Variants in CLTC observed in about 807,000 individuals in gnomAD.
CLTC encodes clathrin heavy chain 1.
Under a neutral mutation model 195.8 loss-of-function variants are expected in CLTC, and 16 were observed. That is an observed-to-expected ratio of 0.08 (90% confidence interval 0.06 to 0.12). The LOEUF is 0.12. CLTC is among the 10% of genes least tolerant of loss of function. The pLI is 1.00. For synonymous variants in CLTC, 667 were observed against 689.4 expected (o/e 0.97, Z 0.51); for missense variants, 796 against 2,027.0 (o/e 0.39, Z 11.66).
intron 14 of CLTC, among the ~76,000 whole-genome samples, chr17:59,672,245 T>C (rs2032863620): frequency 1.3e-5 from 2 of 152,110 alleles, no homozygotes; most frequent in Admixed American, 1.3e-4. Context: ...ATCAAGAAAA[T>C]AACCTAGATT....
intron 31 of CLTC, among the ~76,000 whole-genome samples, chr17:59,692,273 C>A (rs2033321759): frequency 6.6e-6 from 1 of 152,176 alleles, no homozygotes; most frequent in African/African-American, 2.4e-5. Flanking sequence ...GCCAAAATTG[C>A]ACCACTGCAT....
rs771933615 is a variant in CLTC at position 59,674,679 on chromosome 17, TTC to T, written c.2419-20_2419-19del. On this transcript the variant is annotated intron_variant, in intron 15 of 31. Transcript: ENST00000269122. ...TGCTTTTAATAACATAATAACATTC[TTC>T]TACTTCTTTTTAACCACAGGTGAAT... 64 of 1,597,052 alleles carry T rather than the reference TTC, an allele frequency of 4.0e-5. No individual in the cohort carries two copies. Among genetic ancestry groups the T allele is most frequent in the Admixed American group, 1.7e-5 (1 of 57,378 alleles).
At chr17:59,670,858 A>G (rs2032834135) in intron 14 of CLTC, 1 of 152,156 alleles carries the variant, frequency 6.6e-6, no homozygotes, top group Non-Finnish European at 1.5e-5. Flanking sequence ...ACTGGGTACA[A>G]GCCTGATATA....
chr17:59,677,002 T>C lies in CLTC; in HGVS notation c.2610T>C (p.Cys870=). ...PWLEARIHEG[C]EEPATHNALA... The stretch of plus-strand genomic sequence containing the variant: ...TAGAGGCCAGAATTCATGAGGGCTG[T>C]GAGGAGCCTGCTACTCACAATGCCT... The change falls in exon 17 of 32, where the codon TGT becomes TGC. Residue 870 remains cysteine (C), a synonymous_variant. Transcript: ENST00000269122. 6.2e-7 allele frequency: 1 copy of C among 1,614,114 alleles called. No individual in the cohort carries two copies.
At chr17:59,646,040 T>C (rs1340984484) in intron 2 of CLTC, 2 of 785,922 alleles carry the variant, frequency 2.5e-6, no homozygotes, top group Middle Eastern at 6.5e-4. Flanking sequence ...TTAAATTAGA[T>C]TGTATTAGTT....
chr17:59,658,723 A>T (rs1023379131), intron 6 of CLTC: 1 of 152,232 alleles, frequency 6.6e-6, no homozygotes, highest in Non-Finnish European at 1.5e-5. Context: ...CTTACTAAGG[A>T]CTGGTTGCTA....
At chr17:59,656,666 A>ATTTTTTTTTTTTTTTTTTTTTTT (rs55669818) in intron 6 of CLTC, among the ~76,000 whole-genome samples, 6 of 96,224 alleles carry the variant, frequency 6.2e-5, no homozygotes, top group Non-Finnish European at 1.1e-4. Context: ...TATTATTTTA[A>ATTTTTTTTTTTTTTTTTTTTTTT]TTTTTTTTTT....
At chr17:59,663,816 AAAC>A (rs760469946) in intron 8 of CLTC, 23 bp from the exon 9 acceptor site, 1 of 1,603,110 alleles carries the variant, frequency 6.2e-7, no homozygotes, top group Admixed American at 1.7e-5. Context: ...ATGGATCACT[AAAC>A]AATCTCTTTT....
intron 1 of CLTC, among the ~76,000 whole-genome samples, chr17:59,630,848 T>C (rs1196801410): frequency 6.6e-6 from 1 of 152,230 alleles, no homozygotes; most frequent in Non-Finnish European, 1.5e-5. Context: ...TTGTGACTAG[T>C]GGTGTTGCAA....
At position 59,648,528 on chromosome 17, in the gene CLTC, A is replaced by G. The variant is rs557002181; in HGVS notation, c.681+127A>G. ...AATTTTAGTATTCACATTTGTGGTG[A>G]CTTAATTTGTTCAAATTTTGCATCT... On this transcript the variant is annotated intron_variant, in intron 4 of 31. Coordinates refer to ENST00000269122, the MANE Select transcript of CLTC (RefSeq NM_004859.4). The surrounding 1 kb of genome is among the most constrained non-coding windows in gnomAD (Gnocchi z 4.5). 1.5e-4 allele frequency: 141 copies of G among 911,728 alleles called. No homozygotes were observed. Among genetic ancestry groups the G allele is most frequent in the Non-Finnish European group, 1.7e-4 (105 of 602,580 alleles). The allele number at this position is 911,728 out of a possible 1,614,324, so 56.5% of individuals were successfully genotyped here. A position where few individuals can be genotyped will look rare whatever the true frequency, so the allele number is the denominator to read the frequency against.
intron 14 of CLTC, among the ~76,000 whole-genome samples, chr17:59,672,204 C>T (rs1416134646): frequency 6.6e-6 from 1 of 152,040 alleles, no homozygotes; most frequent in Non-Finnish European, 1.5e-5. Context: ...AACATTTCTA[C>T]CATGTATAAA....
At chr17:59,659,824 G>A (rs892053739) in intron 6 of CLTC, among the ~76,000 whole-genome samples, 3 of 152,030 alleles carry the variant, frequency 2.0e-5, no homozygotes, top group Non-Finnish European at 4.4e-5. Context: ...CCTTCATTGA[G>A]TATATAATCT....
At position 59,648,139 on chromosome 17, in the gene CLTC, TGC is replaced by T; in HGVS notation, c.520-100_520-99del. 1 of 1,108,570 alleles carries T rather than the reference TGC, an allele frequency of 9.0e-7. No individual in the cohort carries two copies. The highest frequency in any genetic ancestry group is 1.8e-5 in the South Asian group (1 of 56,410). 68.7% of individuals were successfully genotyped at this position (1,108,570 alleles called of 1,614,324 possible). On this transcript the variant is annotated intron_variant, in intron 3 of 31. Coordinates refer to ENST00000269122, the MANE Select transcript of CLTC (RefSeq NM_004859.4). The surrounding 1 kb of genome is among the most constrained non-coding windows in gnomAD (Gnocchi z 4.5). ...TGAAGTGACAAATAATTATAAATCC[TGC>T]TAAAGATGACAAAGCATTCTAATTA... is the stretch of plus-strand genomic sequence containing the variant.
chr17:59,685,581 G>C lies in CLTC; in HGVS notation c.4606-6G>C. On this transcript the variant is annotated splice_region_variant and splice_polypyrimidine_tract_variant and intron_variant, in intron 29 of 31. Transcript: ENST00000269122. The surrounding 1 kb of genome is among the most constrained non-coding windows in gnomAD (Gnocchi z 5.0). ...TGTTTTTGACTTTCACTATTTCTTT[G>C]AATAGGATGCAATGCAGTATGCTTC... 1 of 1,609,096 alleles carries C rather than the reference G, an allele frequency of 6.2e-7. No individual in the cohort carries two copies. Among genetic ancestry groups the C allele is most frequent in the African/African-American group, 1.3e-5 (1 of 74,876 alleles).
chr17:59,657,554 C>A (rs1293310540), intron 6 of CLTC, among the ~76,000 whole-genome samples: 1 of 151,796 alleles, frequency 6.6e-6, no homozygotes, highest in Non-Finnish European at 1.5e-5. Context: ...ATTGCCTGAG[C>A]TCAGGAGTTC....
chr17:59,645,455 T>C (rs2032165939), intron 2 of CLTC, among the ~76,000 whole-genome samples: 1 of 152,224 alleles, frequency 6.6e-6, no homozygotes, highest in South Asian at 2.1e-4. Flanking sequence ...CTTTGAACTT[T>C]AGAATGAGAC....
intron 16 of CLTC, among the ~76,000 whole-genome samples, chr17:59,675,249 G>A (rs2032940790): frequency 6.6e-6 from 1 of 152,136 alleles, no homozygotes; most frequent in South Asian, 2.1e-4. Flanking sequence ...GTGTTTAAGT[G>A]TGAGGCAAAA....
At chr17:59,654,783 TAACATTTTAAAAGAGAAA>T (rs1029260426) in intron 5 of CLTC, among the ~76,000 whole-genome samples, 4 of 152,238 alleles carry the variant, frequency 2.6e-5, no homozygotes, top group African/African-American at 7.2e-5. Context: ...ACTTGGCCTA[TAACATTTTAAAAGAGAAA>T]AAAACTGCTC....
chr17:59,691,380 T>C (rs1444524422), intron 31 of CLTC, among the ~76,000 whole-genome samples: 3 of 151,992 alleles, frequency 2.0e-5, no homozygotes, highest in Non-Finnish European at 4.4e-5. Flanking sequence ...ATCCCAGCAC[T>C]TTGGAAGGCT....
Sources: allele counts gnomAD v4.1 joint callset (sites outside exome capture counted in the v4.1 genomes callset), GRCh38; gene constraint gnomAD v4.1.1; non-coding constraint Gnocchi (gnomAD v3.1); transcripts MANE v1.5; gene names NCBI Gene and HGNC (gene_info 2026-07-23, HGNC 2026-07-21).